Variants in FSIP2 observed in about 807,000 individuals in gnomAD.
The protein encoded by FSIP2 is fibrous sheath-interacting protein 2.
FSIP2 carries 367 observed loss-of-function variants against 510.5 expected under a neutral mutation model. The observed-to-expected ratio is 0.72, with a 90% CI of 0.66 to 0.78. The LOEUF is 0.78. FSIP2 is among the 30% of genes least tolerant of loss of function. FSIP2 has a pLI of 0.00. For synonymous variants in FSIP2, 2,601 were observed against 2,732.2 expected (o/e 0.95, Z 1.50); for missense variants, 7,594 against 7,901.7 (o/e 0.96, Z 1.48).
At chr2:185,823,044 C>T (rs752928689) in intron 19 of FSIP2, among the ~76,000 whole-genome samples, 8 of 151,772 alleles carry the variant, frequency 5.3e-5, no homozygotes, top group Non-Finnish European at 1.2e-4. Flanking sequence ...TACCTTACAC[C>T]ATATACAAAA....
intron 21 of FSIP2, among the ~76,000 whole-genome samples, chr2:185,830,120 A>G (rs1274392378): frequency 6.6e-6 from 1 of 152,014 alleles, no homozygotes; most frequent in East Asian, 1.9e-4. Context: ...TGAGTCAATT[A>G]CCTACCAAAA....
chr2:185,805,267 A>G lies in FSIP2; in HGVS notation c.15961A>G (p.Arg5321Gly), dbSNP rs764789741. 61 of 1,590,388 alleles carry G rather than the reference A, an allele frequency of 3.8e-5. No individual in the cohort carries two copies. The highest frequency in any genetic ancestry group is 5.0e-5 in the Non-Finnish European group (59 of 1,171,896). ...LALKLANSLI[R>G]EFKKSDIKVL... ...TCTAAAACTTGCAAATTCTCTGATA[A>G]GGGAATTTAAGAAAAGTGATATTAA... Residue 5321 changes from arginine (R) to glycine (G), a missense_variant, in exon 17 of 23, where the codon AGG becomes GGG. By Grantham distance (125) the Arg-to-Gly change is moderately radical. Coordinates refer to ENST00000424728, the MANE Select transcript of FSIP2 (RefSeq NM_173651.4).
At chr2:185,738,697 T>C, upstream of FSIP2, 1 of 1,536,068 alleles carries the variant, frequency 6.5e-7, no homozygotes, top group Non-Finnish European at 8.7e-7. Context: ...GCGGGCGCTC[T>C]ACGCGCTGGC....
chr2:185,771,793 C>T (rs116073548), intron 13 of FSIP2, among the ~76,000 whole-genome samples: 1 of 152,274 alleles, frequency 6.6e-6, no homozygotes, highest in Non-Finnish European at 1.5e-5. Flanking sequence ...CTTGAAAACA[C>T]CCTTTCCTTT....
At chr2:185,788,588 C>T (rs1283841366) in intron 15 of FSIP2, 55 bp from the exon 16 acceptor site, 1 of 1,252,552 alleles carries the variant, frequency 8.0e-7, no homozygotes. Flanking sequence ...GTCTCCAAAA[C>T]ATAGAGTAAG....
rs937627614 is a variant in FSIP2, at chr2:185,761,095, A to T, written c.1186A>T (p.Asn396Tyr). The T allele has an allele frequency of 9.3e-6, 12 of 1,288,192 alleles. No homozygotes were observed. Among genetic ancestry groups the T allele is most frequent in the Non-Finnish European group, 1.3e-5 (12 of 943,256 alleles). The allele number at this position is 1,288,192 out of a possible 1,614,324, so 79.8% of individuals were successfully genotyped here. The change falls in exon 10 of 23, where the codon AAT becomes TAT. Residue 396 changes from asparagine (N) to tyrosine (Y), a missense_variant. Coordinates refer to ENST00000424728, the MANE Select transcript of FSIP2 (RefSeq NM_173651.4). The stretch of plus-strand genomic sequence containing the variant: ...GGCAGATGTACAGGATAATGGTATA[A>T]ATCAAAAGGTATACAATTATGCTTT... ...YQADVQDNGI[N>Y]QKRDGMVSKN...
At chr2:185,812,167 G>A (rs889670382) in intron 17 of FSIP2, among the ~76,000 whole-genome samples, 2 of 152,230 alleles carry the variant, frequency 1.3e-5, no homozygotes, top group South Asian at 4.1e-4. Flanking sequence ...ACCTCTAAGA[G>A]TATCCACCAG....
At chr2:185,767,130 G>A (rs7591602) in intron 13 of FSIP2, among the ~76,000 whole-genome samples, 1,576 of 143,152 alleles carry the variant, frequency 0.011, 31 homozygotes, top group African/African-American at 0.039. Context: ...AGATCACATG[G>A]ACACAGGAAG....
At chr2:185,798,144 G>T (rs1693342313) in intron 16 of FSIP2, among the ~76,000 whole-genome samples, 1 of 151,834 alleles carries the variant, frequency 6.6e-6, no homozygotes, top group Admixed American at 6.6e-5. Context: ...TTGAGCATGA[G>T]GCATAAATTT....
chr2:185,768,119 ATTTT>A (rs750096887), intron 13 of FSIP2, among the ~76,000 whole-genome samples: 1 of 151,362 alleles, frequency 6.6e-6, no homozygotes, highest in African/African-American at 2.4e-5. Context: ...ATTTTTAATA[ATTTT>A]TTTTTACTAT....
chr2:185,788,951 T>C lies in FSIP2; in HGVS notation c.1815T>C (p.His605=), dbSNP rs1027081565. The C allele has an allele frequency of 1.3e-6, 2 of 1,534,914 alleles. No homozygotes were observed. The highest frequency in any genetic ancestry group is 1.2e-5 in the South Asian group (1 of 84,034). ...PTTPIKPPPA[H]VEKTVVGKTC... ...CACCTATAAAACCTCCTCCTGCACA[T>C]GTGGAAAAAACAGTTGTGGGGAAAA... Residue 605 remains histidine (H), a synonymous_variant, in exon 16 of 23, where the codon CAT becomes CAC. Coordinates refer to ENST00000424728, the MANE Select transcript of FSIP2 (RefSeq NM_173651.4).
intron 19 of FSIP2, 140 bp downstream of exon 19, chr2:185,815,611 T>G: frequency 2.0e-6 from 1 of 492,776 alleles, no homozygotes. Context: ...AGTGGCACCC[T>G]ACTGTGAATA....
At chr2:185,832,368 C>T (rs1386574324) in intron 22 of FSIP2, among the ~76,000 whole-genome samples, 1 of 151,764 alleles carries the variant, frequency 6.6e-6, no homozygotes, top group East Asian at 1.9e-4. Flanking sequence ...TTGAAGGAGG[C>T]AGTTGCTACT....
rs1199329073 is a variant in FSIP2, at chr2:185,804,035, C to T, written c.14729C>T (p.Ser4910Leu). Residue 4910 changes from serine (S) to leucine (L), a missense_variant, in exon 17 of 23, where the codon TCA becomes TTA. Coordinates refer to ENST00000424728, the MANE Select transcript of FSIP2 (RefSeq NM_173651.4). ...GAAATCTTTAACCATCATATTCAAT[C>T]ATTTTTATCTGAAGATAAAACTCTC... is the stretch of plus-strand genomic sequence containing the variant. ...IKEIFNHHIQ[S>L]FLSEDKTLLL... The T allele has an allele frequency of 6.6e-7, 1 of 1,505,992 alleles. No homozygotes were observed. Among genetic ancestry groups the T allele is most frequent in the East Asian group, 2.5e-5 (1 of 40,614 alleles). 93.3% of individuals were successfully genotyped at this position (1,505,992 alleles called of 1,614,324 possible). A position where few individuals can be genotyped will look rare whatever the true frequency, so the allele number is the denominator to read the frequency against.
At chr2:185,738,633 G>T, upstream of FSIP2, 1 of 1,536,030 alleles carries the variant, frequency 6.5e-7, no homozygotes, top group Non-Finnish European at 8.7e-7. Flanking sequence ...GAAAGATGAA[G>T]TTTCAACTGT....
chr2:185,780,316 T>C (rs1031451135), intron 13 of FSIP2, among the ~76,000 whole-genome samples: 22 of 152,148 alleles, frequency 1.4e-4, no homozygotes, highest in African/African-American at 5.1e-4. Flanking sequence ...TCTTGTCTCA[T>C]GTCCTTTAAC....
At position 185,803,222 on chromosome 2, in the gene FSIP2, T is replaced by C. The variant is rs868795685; in HGVS notation, c.13916T>C (p.Val4639Ala). The change falls in exon 17 of 23, where the codon GTA becomes GCA. Residue 4639 changes from valine (V) to alanine (A), a missense_variant. Physicochemically the swap from Val to Ala is moderately conservative, Grantham distance 64 (BLOSUM62 0). Transcript: ENST00000424728. ...GVLRKIFHRV[V>A]GIVQTKSIRD... ...TTAAGAAAAATATTCCACAGGGTAG[T>C]AGGCATTGTACAAACAAAATCCATA... is the stretch of plus-strand genomic sequence containing the variant. 3.3e-6 allele frequency: 5 copies of C among 1,531,430 alleles called. No individual in the cohort carries two copies. Among genetic ancestry groups the C allele is most frequent in the Admixed American group, 4.0e-5 (2 of 50,496 alleles). The allele number at this position is 1,531,430 out of a possible 1,614,324, so 94.9% of individuals were successfully genotyped here.
chr2:185,831,051 G>A (rs1189631362), intron 21 of FSIP2, among the ~76,000 whole-genome samples: 2 of 151,792 alleles, frequency 1.3e-5, no homozygotes, highest in African/African-American at 4.8e-5. Context: ...GAGGAACTAT[G>A]GTAAAACTCT....
intron 16 of FSIP2, 84 bp from the exon 17 acceptor site, chr2:185,799,613 A>G (rs1271733381): frequency 9.5e-6 from 6 of 634,162 alleles, no homozygotes; most frequent in East Asian, 6.3e-5. Flanking sequence ...GGTGAAATAT[A>G]TATGTAAATA....
Sources: gnomAD v4.1 joint callset for allele counts (sites outside exome capture counted in the v4.1 genomes callset) on GRCh38, gnomAD v4.1.1 for gene constraint, MANE v1.5 for transcripts, NCBI Gene and HGNC (gene_info 2026-07-23, HGNC 2026-07-21) for gene names.